MAST2: variants seen among roughly 807,000 people sequenced by gnomAD.
MAST2 encodes the protein microtubule associated serine/threonine kinase 2, also known as microtubule-associated serine/threonine-protein kinase 2.
MAST2 carries 70 observed loss-of-function variants against 147.4 expected under a neutral mutation model. The ratio of observed to expected loss-of-function variants is 0.47; its 90% CI spans 0.39 to 0.58. MAST2 has a LOEUF of 0.58. Among genes scored for constraint, MAST2 ranks in the 20% least tolerant of loss-of-function variants. The pLI, the probability that MAST2 is intolerant of heterozygous loss-of-function variation, is 0.00. For missense variants in MAST2, 2,080 were observed against 2,302.3 expected (o/e 0.90, Z 1.98); for synonymous variants, 869 against 896.8 (o/e 0.97, Z 0.55).
intron 26 of MAST2, 47 bp from the exon 27 acceptor site, chr1:46,033,755 A>G (rs1646778235): frequency 1.3e-6 from 2 of 1,597,886 alleles, no homozygotes; most frequent in Admixed American, 3.4e-5. Context: ...GGGGAGGGGC[A>G]AGAATATGGC....
intron 5 of MAST2, among the ~76,000 whole-genome samples, chr1:45,961,461 A>C (rs1660407412): frequency 6.6e-6 from 1 of 152,222 alleles, no homozygotes; most frequent in Non-Finnish European, 1.5e-5. Flanking sequence ...GATTCTCCAC[A>C]GTTAGCATTT....
chr1:46,001,310 G>A (rs1012679960), intron 6 of MAST2, among the ~76,000 whole-genome samples: 1 of 152,200 alleles, frequency 6.6e-6, no homozygotes, highest in African/African-American at 2.4e-5. Context: ...GCATCATGTG[G>A]TGGCATTTCT....
At chr1:46,032,822 A>AT in intron 26 of MAST2, 104 bp downstream of exon 26, 2 of 1,467,522 alleles carry the variant, frequency 1.4e-6, no homozygotes, top group Non-Finnish European at 1.9e-6. Flanking sequence ...ACACATCTAC[A>AT]CCGAGTATGG....
intron 11 of MAST2, among the ~76,000 whole-genome samples, chr1:46,020,368 T>A (rs1467683447): frequency 6.6e-6 from 1 of 152,010 alleles, no homozygotes; most frequent in African/African-American, 2.4e-5. Context: ...AGGGTGGGTT[T>A]GAAGAAGTGC....
At chr1:45,838,182 T>A (rs976778755) in intron 3 of MAST2, among the ~76,000 whole-genome samples, 2 of 151,784 alleles carry the variant, frequency 1.3e-5, no homozygotes, top group Non-Finnish European at 2.9e-5. Flanking sequence ...ATTGAACATA[T>A]TTTTATGTGC....
intron 3 of MAST2, among the ~76,000 whole-genome samples, chr1:45,838,943 A>G (rs932465784): frequency 6.6e-6 from 1 of 152,110 alleles, no homozygotes; most frequent in Non-Finnish European, 1.5e-5. Flanking sequence ...GAGAGATACA[A>G]CATTTTTGTG....
intron 5 of MAST2, among the ~76,000 whole-genome samples, chr1:45,970,094 G>C (rs1173218580): frequency 6.6e-6 from 1 of 152,178 alleles, no homozygotes; most frequent in Non-Finnish European, 1.5e-5. Context: ...TTCTCCCAAG[G>C]ACAGGCTTGT....
At chr1:46,004,458 A>G (rs1231861553) in intron 7 of MAST2, among the ~76,000 whole-genome samples, 1 of 152,134 alleles carries the variant, frequency 6.6e-6, no homozygotes, top group East Asian at 1.9e-4. Flanking sequence ...GCAAATTTTA[A>G]GACTTAACTC....
chr1:46,006,163 CCATTTT>C (rs1645478132), intron 7 of MAST2, 72 bp from the exon 8 acceptor site: 1 of 1,412,674 alleles, frequency 7.1e-7, no homozygotes, highest in Non-Finnish European at 9.7e-7. Context: ...AGTTCCCTGA[CCATTTT>C]CAGTCCTTCC....
chr1:45,945,435 C>T (rs1657886909), intron 4 of MAST2, among the ~76,000 whole-genome samples: 1 of 152,146 alleles, frequency 6.6e-6, no homozygotes, highest in Non-Finnish European at 1.5e-5. Flanking sequence ...CATGATGATA[C>T]TGGTCTATTG....
intron 3 of MAST2, among the ~76,000 whole-genome samples, chr1:45,859,236 A>G (rs1022102878): frequency 6.6e-6 from 1 of 152,194 alleles, no homozygotes; most frequent in Middle Eastern, 3.2e-3. Flanking sequence ...CTGGGACTAC[A>G]GGCACAAAAA....
intron 4 of MAST2, among the ~76,000 whole-genome samples, chr1:45,924,220 C>T (rs1172892476): frequency 2.0e-5 from 3 of 152,124 alleles, no homozygotes; most frequent in Non-Finnish European, 4.4e-5. Flanking sequence ...TACCCCTGCT[C>T]ATTACTGTCA....
intron 4 of MAST2, among the ~76,000 whole-genome samples, chr1:45,904,355 G>A (rs926354514): frequency 3.3e-5 from 5 of 151,966 alleles, no homozygotes; most frequent in African/African-American, 1.2e-4. Flanking sequence ...TATATTTTTA[G>A]TAGAGGTGTG....
At chr1:46,014,149 TATTTA>T (rs1266551200) in intron 10 of MAST2, among the ~76,000 whole-genome samples, 3 of 151,300 alleles carry the variant, frequency 2.0e-5, no homozygotes, top group Non-Finnish European at 4.4e-5. Flanking sequence ...TTTTTAATAC[TATTTA>T]ATTTGATTAT....
At chr1:45,970,867 A>G (rs779787717) in intron 5 of MAST2, among the ~76,000 whole-genome samples, 2 of 147,364 alleles carry the variant, frequency 1.4e-5, no homozygotes, top group Non-Finnish European at 3.0e-5. Flanking sequence ...GGCAACTCCT[A>G]AGCTCTTTAC....
chr1:45,856,836 G>GTGGGC (rs562676812), intron 3 of MAST2, among the ~76,000 whole-genome samples: 2 of 151,852 alleles, frequency 1.3e-5, no homozygotes, highest in Non-Finnish European at 2.9e-5. Context: ...CATGAGGGTA[G>GTGGGC]TGGGCTGGGC....
At chr1:45,807,163 T>G (rs1468496403) in intron 1 of MAST2, among the ~76,000 whole-genome samples, 1 of 152,258 alleles carries the variant, frequency 6.6e-6, no homozygotes, top group African/African-American at 2.4e-5. Flanking sequence ...TTGTCACTGT[T>G]GACTGTGTGT....
chr1:46,028,164 A>T (rs966700342), intron 17 of MAST2, among the ~76,000 whole-genome samples: 3 of 152,338 alleles, frequency 2.0e-5, no homozygotes, highest in African/African-American at 7.2e-5. Flanking sequence ...CATTTGGAAA[A>T]CAGGATGAGC....
chr1:46,004,815 G>A (rs1325990054), intron 7 of MAST2, among the ~76,000 whole-genome samples: 1 of 152,228 alleles, frequency 6.6e-6, no homozygotes, highest in Non-Finnish European at 1.5e-5. Flanking sequence ...GGCTCTGGGA[G>A]CAGTAGCTCA....
Sources: allele counts gnomAD v4.1 joint callset (sites outside exome capture counted in the v4.1 genomes callset), GRCh38; gene constraint gnomAD v4.1.1; transcripts MANE v1.5; gene names NCBI Gene and HGNC (gene_info 2026-07-23, HGNC 2026-07-21).